The following TNS1 variants were observed in gnomAD, a reference collection of about 807,000 sequenced individuals.
TNS1 encodes the protein tensin 1.
In TNS1, 62 loss-of-function variants were observed where a neutral mutation model predicts 168.6. The ratio of observed to expected loss-of-function variants is 0.37; its 90% CI spans 0.30 to 0.45. The LOEUF (loss-of-function observed/expected upper bound fraction) is 0.45. Ranked by LOEUF, TNS1 falls within the 20% of genes least tolerant of loss-of-function variation. TNS1 has a pLI of 1.00. For missense variants in TNS1, 2,240 were observed against 2,339.4 expected (o/e 0.96, Z 0.88); for synonymous variants, 934 against 933.2 (o/e 1.00, Z -0.02).
Position 217,986,096 on chromosome 2 carries a change from C to T in TNS1, c.148+4846G>A, listed in dbSNP as rs534950759. On this transcript the variant is annotated intron_variant, in intron 2 of 32. Transcript: ENST00000682258. The surrounding 1 kb of genome is among the most constrained non-coding windows in gnomAD (Gnocchi z 4.7). ...GAAAGCCAGACCCAGAGAGGTTAAG[C>T]ATCTCACCTGGGGTCACACAGCCAG... Among the ~76,000 whole-genome samples the T allele has an allele frequency of 2.2e-3, 337 of 152,316 alleles. 1 individual carries two copies. Among genetic ancestry groups the T allele is most frequent in the Non-Finnish European group, 3.7e-3 (252 of 68,026 alleles).
chr2:217,934,533 C>A (rs1427483099), intron 3 of TNS1, among the ~76,000 whole-genome samples: 1 of 152,220 alleles, frequency 6.6e-6, no homozygotes, highest in Non-Finnish European at 1.5e-5. Context: ...CACTTCCTCC[C>A]ACTCTGTTCC....
intron 18 of TNS1, chr2:217,858,407 A>T: frequency 1.7e-6 from 1 of 605,546 alleles, no homozygotes; most frequent in Non-Finnish European, 2.1e-6. Flanking sequence ...CTCCCAGCAC[A>T]GAAGCACGAG....
intron 16 of TNS1, among the ~76,000 whole-genome samples, chr2:217,884,125 TGGTGGGTGGGTG>T (rs976360600): frequency 4.0e-4 from 4 of 10,006 alleles, no homozygotes; most frequent in Non-Finnish European, 6.5e-4. Flanking sequence ...AAGTGATGCT[TGGTGGGTGGGTG>T]GGTGGGTGGG....
intron 3 of TNS1, among the ~76,000 whole-genome samples, chr2:217,954,360 C>T (rs933731085): frequency 1.3e-5 from 2 of 152,172 alleles, no homozygotes; most frequent in South Asian, 2.1e-4. Context: ...CGAGATGCAG[C>T]GCAGCCAGCA....
Position 217,938,807 on chromosome 2 carries a change from T to C in TNS1, c.187-18571A>G, listed in dbSNP as rs926270554. 7.2e-5 allele frequency among the ~76,000 whole-genome samples: 11 copies of C among 152,330 alleles called. No individual in the cohort carries two copies. The South Asian group carries it at 2.3e-3, about 32-fold the overall frequency. Reference sequence around the variant, plus strand: ...TCAGAGTCCTCTGTAAACACAGATCTGCATGGGCTCCCTGAACAGACAAGA... The same window carrying C: ...TCAGAGTCCTCTGTAAACACAGATCCGCATGGGCTCCCTGAACAGACAAGA... On this transcript the variant is annotated intron_variant, in intron 3 of 32. Transcript: ENST00000682258.
intron 19 of TNS1, among the ~76,000 whole-genome samples, chr2:217,838,611 A>T (rs1444782162): frequency 6.6e-6 from 1 of 152,148 alleles, no homozygotes. Context: ...CCTCCCCTGC[A>T]GAGCACCAAT....
At chr2:217,944,191 T>C (rs1162978908) in intron 3 of TNS1, 4 of 152,454 alleles carry the variant, frequency 2.6e-5, no homozygotes, top group African/African-American at 7.2e-5. Flanking sequence ...CATGGCCTCC[T>C]TTAACCCCTG....
At chr2:217,939,550 TGAA>T (rs2125932590) in intron 3 of TNS1, among the ~76,000 whole-genome samples, 1 of 152,336 alleles carries the variant, frequency 6.6e-6, no homozygotes, top group African/African-American at 2.4e-5. Flanking sequence ...CAGGAGAAGA[TGAA>T]GGTCTAGGAA....
intron 18 of TNS1, among the ~76,000 whole-genome samples, chr2:217,864,919 C>T (rs932524827): frequency 5.9e-5 from 9 of 152,110 alleles, no homozygotes; most frequent in Non-Finnish European, 1.0e-4. Flanking sequence ...AGTTGGGGTA[C>T]GCAGTGGGGC....
intron 2 of TNS1, among the ~76,000 whole-genome samples, chr2:217,979,827 T>A (rs1957996287): frequency 6.6e-6 from 1 of 150,998 alleles, no homozygotes; most frequent in Non-Finnish European, 1.5e-5. Flanking sequence ...GATAGGGGAG[T>A]GCCCTGACTC....
intron 18 of TNS1, among the ~76,000 whole-genome samples, chr2:217,862,853 G>A (rs536968021): frequency 2.0e-4 from 31 of 152,324 alleles, no homozygotes; most frequent in African/African-American, 7.2e-4. Flanking sequence ...CTAGCTGTGC[G>A]AGGAAAGTAG....
intron 3 of TNS1, among the ~76,000 whole-genome samples, chr2:217,941,376 A>G (rs1054540649): frequency 1.3e-5 from 2 of 152,224 alleles, no homozygotes; most frequent in African/African-American, 4.8e-5. Flanking sequence ...ACCACAGGCA[A>G]GGGGCAGAGT....
intron 3 of TNS1, among the ~76,000 whole-genome samples, chr2:217,943,520 C>G (rs1243323583): frequency 1.3e-5 from 2 of 152,222 alleles, no homozygotes; most frequent in African/African-American, 4.8e-5. Flanking sequence ...TGGCCTCAGT[C>G]CCAAGCAGCC....
chr2:218,009,199 T>C (rs1284877525), intron 1 of TNS1, among the ~76,000 whole-genome samples: 2 of 152,152 alleles, frequency 1.3e-5, no homozygotes, highest in Non-Finnish European at 2.9e-5. Context: ...AGCCAGGACT[T>C]CCAGTCCCTG....
intron 18 of TNS1, 127 bp from the exon 19 acceptor site, chr2:217,849,214 A>T: frequency 2.6e-6 from 3 of 1,155,270 alleles, no homozygotes; most frequent in Non-Finnish European, 3.6e-6. Context: ...ACCTCCTCTC[A>T]CCACCCTGAG....
At chr2:217,859,541 G>A (rs1344406907) in intron 18 of TNS1, 1 of 1,102,704 alleles carries the variant, frequency 9.1e-7, no homozygotes, top group African/African-American at 1.6e-5. Flanking sequence ...GCCCCAACAT[G>A]AAGTTCTCAG....
intron 13 of TNS1, 80 bp downstream of exon 13, chr2:217,886,454 C>G (rs1385866562): frequency 5.9e-5 from 70 of 1,177,842 alleles, no homozygotes; most frequent in Non-Finnish European, 8.5e-5. Flanking sequence ...TGTTACTACC[C>G]AAGGTTGCCT....
intron 4 of TNS1, among the ~76,000 whole-genome samples, chr2:217,918,322 T>G (rs1184130866): frequency 6.6e-6 from 1 of 152,112 alleles, no homozygotes; most frequent in Admixed American, 6.5e-5. Context: ...AAGGAGGTGG[T>G]CTAACTCCCT....
intron 18 of TNS1, chr2:217,859,559 C>T (rs938045235): frequency 2.9e-5 from 39 of 1,328,228 alleles, no homozygotes; most frequent in African/African-American, 2.5e-4. Flanking sequence ...CAGTGCAAAG[C>T]TTTGGATTCT....
Sources: gnomAD v4.1 joint callset for allele counts (sites outside exome capture counted in the v4.1 genomes callset) on GRCh38, gnomAD v4.1.1 for gene constraint, Gnocchi (gnomAD v3.1) non-coding constraint, MANE v1.5 for transcripts, NCBI Gene and HGNC (gene_info 2026-07-23, HGNC 2026-07-21) for gene names.